Variants in NDUFAF7 observed in about 807,000 individuals in gnomAD.
The protein encoded by NDUFAF7 is protein arginine methyltransferase NDUFAF7, mitochondrial.
NDUFAF7 carries 48 observed loss-of-function variants against 47.2 expected under a neutral mutation model. The observed-to-expected ratio is 1.02, with a 90% CI of 0.81 to 1.29. NDUFAF7 has a LOEUF of 1.29. Ranked by LOEUF, NDUFAF7 falls within the 50% of genes most tolerant of loss-of-function variation. The probability of loss-of-function intolerance (pLI) is 0.00; values close to 1 mark genes in which losing one functional copy is unlikely to be tolerated. For missense variants in NDUFAF7, 635 were observed against 537.6 expected, an observed-to-expected ratio of 1.18 and a Z score of -1.79; for synonymous variants, 217 against 190.0, an observed-to-expected ratio of 1.14 and a Z score of -1.17.
At chr2:37,246,367 G>C (rs1328168635) in intron 8 of NDUFAF7, among the ~76,000 whole-genome samples, 172 bp downstream of exon 8, 1 of 152,128 alleles carries the variant, frequency 6.6e-6, no homozygotes, top group African/African-American at 2.4e-5. Context: ...TGCTAACACT[G>C]AGTCTACTGT....
the NDUFAF7 span, among the ~76,000 whole-genome samples, chr2:37,262,114 AC>A: frequency 6.6e-6 from 1 of 152,074 alleles, no homozygotes; most frequent in Non-Finnish European, 1.5e-5. Flanking sequence ...TGGAGATATG[AC>A]CCCGTCGCAA....
intron 4 of NDUFAF7, among the ~76,000 whole-genome samples, chr2:37,239,235 C>T (rs949950102): frequency 8.6e-5 from 13 of 151,572 alleles, no homozygotes; most frequent in African/African-American, 3.2e-4. Context: ...TCTTGTCCCT[C>T]AGCCTCTTGA....
At chr2:37,250,039 A>T (rs571087172), downstream of NDUFAF7, among the ~76,000 whole-genome samples, 48 of 149,258 alleles carry the variant, frequency 3.2e-4, no homozygotes, top group African/African-American at 1.2e-3. Context: ...TTTTTTTGCA[A>T]TTTTTTTTTC....
chr2:37,246,327 A>AAC, intron 8 of NDUFAF7, 132 bp downstream of exon 8: 1 of 1,085,544 alleles, frequency 9.2e-7, no homozygotes, highest in Non-Finnish European at 1.4e-6. Context: ...AATTCATGTT[A>AAC]TTGTAATTCC....
downstream of NDUFAF7, chr2:37,256,947 A>G (rs1415588878): frequency 6.2e-7 from 1 of 1,613,492 alleles, no homozygotes; most frequent in South Asian, 1.1e-5. Flanking sequence ...TTGAAGGATG[A>G]TGTTAATTTT....
the NDUFAF7 span, chr2:37,260,474 CAG>C: frequency 8.4e-7 from 1 of 1,191,432 alleles, no homozygotes; most frequent in Non-Finnish European, 1.2e-6. Flanking sequence ...TGAAATGGCA[CAG>C]AAAGAAAGCC....
At chr2:37,247,329 G>A (rs1667036124) in intron 8 of NDUFAF7, 127 bp from the exon 9 acceptor site, 2 of 1,157,156 alleles carry the variant, frequency 1.7e-6, no homozygotes, top group Non-Finnish European at 2.5e-6. Context: ...CCTGCCTAGA[G>A]AATTAATGAG....
downstream of NDUFAF7, among the ~76,000 whole-genome samples, chr2:37,255,873 G>A (rs575536821): frequency 5.9e-5 from 9 of 152,184 alleles, no homozygotes; most frequent in South Asian, 1.9e-3. Context: ...AGGTGTGGGT[G>A]GCCCATGGTG....
chr2:37,247,666 T>G lies in NDUFAF7; in HGVS notation c.1110+37T>G, dbSNP rs201575456. 62 of 1,606,614 alleles carry G rather than the reference T, an allele frequency of 3.9e-5. No homozygotes were observed. The East Asian group carries it at 9.4e-4, about 24-fold the overall frequency. ...TTTATTTCACTGTTATTAAGTACTT[T>G]CATAGTATTTCAAAAATTACTTTAA... On this transcript the variant is annotated intron_variant, in intron 9 of 9. Coordinates refer to ENST00000002125, the MANE Select transcript of NDUFAF7 (RefSeq NM_144736.5).
chr2:37,239,659 G>A (rs921660133), intron 4 of NDUFAF7, among the ~76,000 whole-genome samples: 16 of 152,164 alleles, frequency 1.1e-4, no homozygotes, highest in African/African-American at 3.4e-4. Flanking sequence ...AGTGGAATAC[G>A]AAGTACTGCA....
intron 7 of NDUFAF7, among the ~76,000 whole-genome samples, chr2:37,244,967 A>G (rs1666754104): frequency 6.6e-6 from 1 of 152,214 alleles, no homozygotes; most frequent in Non-Finnish European, 1.5e-5. Flanking sequence ...ATGCGTGGTA[A>G]TACATGTCAT....
intron 2 of NDUFAF7, among the ~76,000 whole-genome samples, chr2:37,233,204 A>C (rs1455428911): frequency 6.6e-6 from 1 of 152,200 alleles, no homozygotes; most frequent in Admixed American, 6.5e-5. Flanking sequence ...CCTTTTATTG[A>C]GATTAAGACA....
chr2:37,237,981 C>A, intron 4 of NDUFAF7, 114 bp downstream of exon 4: 3 of 781,840 alleles, frequency 3.8e-6, no homozygotes, highest in Non-Finnish European at 6.6e-6. Flanking sequence ...TATTTCTCAG[C>A]TAAAATATAA....
intron 8 of NDUFAF7, among the ~76,000 whole-genome samples, chr2:37,246,623 T>G (rs1211247193): frequency 6.6e-6 from 1 of 152,228 alleles, no homozygotes; most frequent in African/African-American, 2.4e-5. Flanking sequence ...TTTCCAGATG[T>G]ATTCTTTTAC....
chr2:37,259,989 A>ACC, the NDUFAF7 span, among the ~76,000 whole-genome samples: 3 of 152,054 alleles, frequency 2.0e-5, no homozygotes, highest in African/African-American at 7.2e-5. Flanking sequence ...ACACGGTGAA[A>ACC]CCCCAGCTCT....
At chr2:37,267,543 A>C in the NDUFAF7 span, 4 of 1,583,132 alleles carry the variant, frequency 2.5e-6, no homozygotes, top group Non-Finnish European at 2.6e-6. Flanking sequence ...TTTCCTATTA[A>C]GAAAAAAAGA....
At position 37,248,153 on chromosome 2, in the gene NDUFAF7, A is replaced by C; in HGVS notation, c.1129A>C (p.Asn377His). The C allele has an allele frequency of 6.2e-7, 1 of 1,613,750 alleles. No homozygotes were observed. Among genetic ancestry groups the C allele is most frequent in the Non-Finnish European group, 8.5e-7 (1 of 1,179,700 alleles). Reference sequence around the variant, plus strand: ...TTTTCAGGTTCTTTTAGATAAATCAAATGAGCCATCAGTGAGGCAGCAGTT... The same window carrying C: ...TTTTCAGGTTCTTTTAGATAAATCACATGAGCCATCAGTGAGGCAGCAGTT... ...VRLKVLLDKSNEPSVRQQLLQ... is the reference protein window; with the variant it reads ...VRLKVLLDKSHEPSVRQQLLQ... The change falls in exon 10 of 10, where the codon AAT becomes CAT. Residue 377 changes from asparagine to histidine, a missense_variant. Physicochemically the swap from Asn to His is moderately conservative, Grantham distance 68 (BLOSUM62 1). Coordinates refer to ENST00000002125, the MANE Select transcript of NDUFAF7 (RefSeq NM_144736.5).
At chr2:37,260,983 T>C in the NDUFAF7 span, among the ~76,000 whole-genome samples, 3 of 152,232 alleles carry the variant, frequency 2.0e-5, no homozygotes, top group Non-Finnish European at 4.4e-5. Flanking sequence ...ATTTATCTTT[T>C]GTTCTACTAC....
downstream of NDUFAF7, chr2:37,252,880 C>A (rs1572591719): frequency 1.4e-5 from 2 of 144,698 alleles, no homozygotes; most frequent in South Asian, 2.4e-4. Context: ...AATGGGAAGA[C>A]AAATTAAGTG....
Sources: allele counts gnomAD v4.1 joint callset (sites outside exome capture counted in the v4.1 genomes callset), GRCh38; gene constraint gnomAD v4.1.1; transcripts MANE v1.5; gene names NCBI Gene and HGNC (gene_info 2026-07-23, HGNC 2026-07-21).